The following GCC2 variants were observed in gnomAD, a reference collection of about 807,000 sequenced individuals.
The protein encoded by GCC2 is GRIP and coiled-coil domain-containing protein 2.
GCC2 carries 120 observed loss-of-function variants against 210.6 expected under a neutral mutation model. The ratio of observed to expected loss-of-function variants is 0.57; its 90% CI spans 0.49 to 0.66. GCC2 has a LOEUF of 0.66. Ranked by LOEUF, GCC2 falls within the 30% of genes least tolerant of loss-of-function variation. The pLI is 0.00. For missense variants in GCC2, 1,868 were observed against 1,871.9 expected, an observed-to-expected ratio of 1.00 and a Z score of 0.04; for synonymous variants, 703 against 652.7, an observed-to-expected ratio of 1.08 and a Z score of -1.17.
Position 108,476,803 on chromosome 2 carries a change from A to G in GCC2, c.3060+953A>G, listed in dbSNP as rs13427104. Among the ~76,000 whole-genome samples the G allele has an allele frequency of 2.3e-3, 349 of 152,296 alleles. 1 individual carries two copies. Among genetic ancestry groups the G allele is most frequent in the African/African-American group, 7.8e-3 (325 of 41,562 alleles). On this transcript the variant is annotated intron_variant, in intron 9 of 22. Coordinates refer to ENST00000309863, the MANE Select transcript of GCC2 (RefSeq NM_181453.4). ...GAGTTCCTATCCTCTTAGGACTTAA[A>G]AAAATCCCAATGGCAATAACAGGCA... is the stretch of plus-strand genomic sequence containing the variant.
Position 108,470,079 on chromosome 2 carries a change from A to T in GCC2, c.750A>T (p.Glu250Asp). Residue 250 changes from glutamate to aspartate, a missense_variant, in exon 6 of 23, where the codon GAA (glutamate) becomes GAT (aspartate). This residue lies in a region of GCC2 where 1,847 missense variants were observed against 1,765.2 expected (regional missense o/e 1.05). Coordinates refer to ENST00000309863, the MANE Select transcript of GCC2 (RefSeq NM_181453.4). ...ELLQLKAIHQEEVKELMCQIE... is the reference protein window; with the variant it reads ...ELLQLKAIHQDEVKELMCQIE... ...TACAGTTGAAAGCTATACACCAAGA[A>T]GAGGTGAAAGAGTTGATGTGCCAGA... 2 of 1,613,712 alleles carry T rather than the reference A, an allele frequency of 1.2e-6. No homozygotes were observed. Among genetic ancestry groups the T allele is most frequent in the Non-Finnish European group, 1.7e-6 (2 of 1,179,712 alleles).
At chr2:108,492,816 AGTT>A (rs1404600049) in intron 19 of GCC2, 26 bp downstream of exon 19, 12 of 1,489,632 alleles carry the variant, frequency 8.1e-6, no homozygotes, top group Non-Finnish European at 1.1e-5. Context: ...TGGAAATATT[AGTT>A]GTTCATGTTT....
intron 4 of GCC2, among the ~76,000 whole-genome samples, chr2:108,455,159 G>A (rs1362329651): frequency 6.6e-6 from 1 of 152,084 alleles, no homozygotes; most frequent in African/African-American, 2.4e-5. Context: ...GAAAATTTCA[G>A]CCAGGCTCGG....
intron 22 of GCC2, 144 bp from the exon 23 acceptor site, chr2:108,507,416 C>CCCA (rs1228567328): frequency 2.9e-5 from 9 of 307,822 alleles, no homozygotes; most frequent in African/African-American, 7.5e-5. Context: ...CCCCCCCCCC[C>CCCA]AAAAAAAAGG....
In GCC2 at chr2:108,471,838, G is replaced by A. The variant is rs1681242078; in HGVS notation, c.2509G>A (p.Glu837Lys). The change falls in exon 6 of 23, where the codon GAG (glutamate) becomes AAG (lysine). Residue 837 changes from glutamate to lysine, a missense_variant. Coordinates refer to ENST00000309863, the MANE Select transcript of GCC2 (RefSeq NM_181453.4). The part of the protein sequence containing the change: ...EELKSLLRDY[E>K]QEKVLLRKEL... ...ACTTAAGTCTTTATTGAGAGACTAT[G>A]AGCAAGAGAAAGTTCTCTTAAGGAA... The A allele has an allele frequency of 6.2e-7, 1 of 1,613,448 alleles. No homozygotes were observed. The highest frequency in any genetic ancestry group is 2.2e-5 in the East Asian group (1 of 44,846).
Position 108,485,868 on chromosome 2 carries a change from G to A in GCC2, c.3752G>A (p.Gly1251Asp). The A allele has an allele frequency of 6.3e-7, 1 of 1,592,118 alleles. No individual in the cohort carries two copies. Among genetic ancestry groups the A allele is most frequent in the Non-Finnish European group, 8.6e-7 (1 of 1,167,970 alleles). The change falls in exon 15 of 23, where the codon GGT (glycine) becomes GAT (aspartate). Residue 1251 changes from glycine to aspartate, a missense_variant. By Grantham distance (94) the Gly-to-Asp change is moderately conservative. This residue lies in a region of GCC2 where 1,847 missense variants were observed against 1,765.2 expected (regional missense o/e 1.05). Transcript: ENST00000309863. ...DHLILQASLK[G>D]ELEASQQQVE... ...TTAATACTTCAAGCATCTTTAAAAG[G>A]TGAGCTGGAGGCAAGCCAGCAGCAA...
intron 15 of GCC2, 176 bp from the exon 16 acceptor site, chr2:108,486,333 CTT>C: frequency 4.7e-6 from 3 of 640,344 alleles, no homozygotes; most frequent in Non-Finnish European, 5.5e-6. Flanking sequence ...GAAAAGATAA[CTT>C]AGAAAATGTT....
rs553183869 is a variant in GCC2 at position 108,481,199 on chromosome 2, G to A, written c.3061-498G>A. ...TTGGATTCTTCAGGAAATATTGAAAGTGTCACTGCAGAGTGTGAGAGACTA... is the reference window on the plus strand; with the variant it reads ...TTGGATTCTTCAGGAAATATTGAAAATGTCACTGCAGAGTGTGAGAGACTA... On this transcript the variant is annotated intron_variant, in intron 9 of 22. Coordinates refer to ENST00000309863, the MANE Select transcript of GCC2 (RefSeq NM_181453.4). Among the ~76,000 whole-genome samples, 8 of 152,296 alleles carry A rather than the reference G, an allele frequency of 5.3e-5. No homozygotes were observed. The South Asian group carries it at 1.7e-3, about 32-fold the overall frequency.
chr2:108,483,075 C>T lies in GCC2; in HGVS notation c.3359C>T (p.Thr1120Ile). The stretch of plus-strand genomic sequence containing the variant: ...TTTTAATTTCAGGAACATGCCACTA[C>T]TGTAAATGAACTTGAAGAACTTCAG... ...KEQKIKEHATTVNELEELQVQ... is the reference protein window; with the variant it reads ...KEQKIKEHATIVNELEELQVQ... The change falls in exon 12 of 23, where the codon ACT (threonine) becomes ATT (isoleucine). Residue 1120 changes from threonine to isoleucine, a missense_variant. Coordinates refer to ENST00000309863, the MANE Select transcript of GCC2 (RefSeq NM_181453.4). 1.3e-6 allele frequency: 2 copies of T among 1,560,030 alleles called. No individual in the cohort carries two copies. Among genetic ancestry groups the T allele is most frequent in the Non-Finnish European group, 1.8e-6 (2 of 1,131,382 alleles).
At chr2:108,496,949 T>A in intron 20 of GCC2, 21 bp from the exon 21 acceptor site, 1 of 1,611,244 alleles carries the variant, frequency 6.2e-7, no homozygotes. Context: ...GAAAATTAAT[T>A]CTTGGAACAA....
chr2:108,506,187 A>T (rs1683176405), intron 22 of GCC2, among the ~76,000 whole-genome samples: 1 of 152,210 alleles, frequency 6.6e-6, no homozygotes, highest in Non-Finnish European at 1.5e-5. Context: ...TATTCATAGA[A>T]ACTTTCTTTA....
At chr2:108,455,439 A>G (rs1470933767) in intron 4 of GCC2, among the ~76,000 whole-genome samples, 2 of 152,154 alleles carry the variant, frequency 1.3e-5, no homozygotes, top group African/African-American at 2.4e-5. Context: ...ACTCCGTCTC[A>G]AGAAAAAAAA....
rs777738290 is a variant in GCC2, at chr2:108,497,004, A to G, written c.4677A>G (p.Glu1559=). 7 of 1,612,092 alleles carry G rather than the reference A, an allele frequency of 4.3e-6. No homozygotes were observed. In the South Asian group the frequency reaches 7.7e-5, roughly 18 times the overall value. The change falls in exon 21 of 23, where the codon GAA becomes GAG. Residue 1559 remains glutamate, a synonymous_variant. Transcript: ENST00000309863. ...TATGGCATGCTGAATTTACCAAAGA[A>G]GAATTGGTTCAGAAGCTCAGTTCCA... is the stretch of plus-strand genomic sequence containing the variant. ...PPLWHAEFTK[E]ELVQKLSSTT... is the part of the protein sequence containing the mutation.
intron 11 of GCC2, 29 bp downstream of exon 11, chr2:108,482,480 C>T (rs767600205): frequency 8.8e-7 from 1 of 1,135,422 alleles, no homozygotes; most frequent in Non-Finnish European, 1.3e-6. Context: ...GATTGATTCA[C>T]ATATATATGA....
intron 4 of GCC2, among the ~76,000 whole-genome samples, chr2:108,452,691 C>CTTTTTTTTTTTTTTTTTT (rs34444254): frequency 2.0e-5 from 2 of 99,438 alleles, no homozygotes; most frequent in Non-Finnish European, 3.9e-5. Context: ...TTTTTTCTTT[C>CTTTTTTTTTTTTTTTTTT]TTTTTTTTTT....
At position 108,483,409 on chromosome 2, in the gene GCC2, G is replaced by A. The variant is rs1542025; in HGVS notation, c.3450+243G>A. ...CGGCTAATTTTTTGTATTTTGGGTA[G>A]AGATGGAGTTTCACCAATTTGGTTA... On this transcript the variant is annotated intron_variant, in intron 12 of 22. Coordinates refer to ENST00000309863, the MANE Select transcript of GCC2 (RefSeq NM_181453.4). Among the ~76,000 whole-genome samples the A allele has an allele frequency of 0.38, 57,090 of 151,830 alleles. 11,313 individuals are homozygous for A. The highest frequency in any genetic ancestry group is 0.52 in the Middle Eastern group (152 of 292).
In GCC2 at chr2:108,492,700, G is replaced by A. The variant is rs143689284; in HGVS notation, c.4357G>A (p.Glu1453Lys). Residue 1453 changes from glutamate (E) to lysine (K), a missense_variant, in exon 19 of 23, where the codon GAA becomes AAA. This residue lies in a region of GCC2 where 1,847 missense variants were observed against 1,765.2 expected (regional missense o/e 1.05). Coordinates refer to ENST00000309863, the MANE Select transcript of GCC2 (RefSeq NM_181453.4). ...FRDQVRHLQE[E>K]HRKTVETLQQ... ...AGATCAAGTGCGACATTTGCAGGAA[G>A]AACACAGAAAGACAGTGGAGACATT... The A allele has an allele frequency of 2.5e-6, 4 of 1,613,882 alleles. No individual in the cohort carries two copies. In the African/African-American group the frequency reaches 4.0e-5, roughly 16 times the overall value.
intron 7 of GCC2, chr2:108,473,229 C>G (rs1681331303): frequency 4.7e-6 from 1 of 212,010 alleles, no homozygotes; most frequent in African/African-American, 2.4e-5. Flanking sequence ...AGGTACAGAC[C>G]ATGTGCTCAG....
chr2:108,472,105 A>G lies in GCC2; in HGVS notation c.2776A>G (p.Ile926Val), dbSNP rs777356661. The G allele has an allele frequency of 2.6e-6, 4 of 1,532,972 alleles. No individual in the cohort carries two copies. The South Asian group carries it at 5.2e-5, about 20-fold the overall frequency. 95.0% of individuals were successfully genotyped at this position (1,532,972 alleles called of 1,614,324 possible). A position where few individuals can be genotyped will look rare whatever the true frequency, so the allele number is the denominator to read the frequency against. Residue 926 changes from isoleucine to valine, a missense_variant, in exon 6 of 23, where the codon ATA becomes GTA. This residue lies in a region of GCC2 where 1,847 missense variants were observed against 1,765.2 expected (regional missense o/e 1.05). Coordinates refer to ENST00000309863, the MANE Select transcript of GCC2 (RefSeq NM_181453.4). ...ATTACGAGATAGGAGAGCAGAGTTG[A>G]TACTATTAAAGGTACCATTCATTTG... ...KELRDRRAEL[I>V]LLKDSLAKSP...
Sources: allele counts gnomAD v4.1 joint callset (sites outside exome capture counted in the v4.1 genomes callset), GRCh38; gene constraint gnomAD v4.1.1; regional missense constraint gnomAD v4.1.1; transcripts MANE v1.5; gene names NCBI Gene and HGNC (gene_info 2026-07-23, HGNC 2026-07-21).